Variants in MXRA5 observed in about 807,000 individuals in gnomAD.
MXRA5 encodes the protein matrix remodeling associated 5.
A neutral mutation model predicts 112.5 loss-of-function variants in MXRA5; 41 were observed. The ratio of observed to expected loss-of-function variants is 0.36; its 90% CI spans 0.28 to 0.47. The LOEUF is 0.47. MXRA5 is among the 20% of genes least tolerant of loss of function. The pLI, the probability that MXRA5 is intolerant of heterozygous loss-of-function variation, is 0.99. For missense variants in MXRA5, 2,150 were observed against 2,251.0 expected, an observed-to-expected ratio of 0.96 and a Z score of 0.91; for synonymous variants, 862 against 900.8, an observed-to-expected ratio of 0.96 and a Z score of 0.77.
intron 6 of MXRA5, among the ~76,000 whole-genome samples, chrX:3,314,762 A>G (rs2146916033): frequency 9.1e-6 from 1 of 109,993 alleles, no homozygotes; most frequent in Admixed American, 9.7e-5. Flanking sequence ...CACCCACCAG[A>G]TGCCAGTAAC....
At chrX:3,342,125 G>A (rs1480461529) in intron 2 of MXRA5, among the ~76,000 whole-genome samples, 4 of 110,524 alleles carry the variant, frequency 3.6e-5, no homozygotes, top group Non-Finnish European at 7.6e-5. Flanking sequence ...CATCCTCAGC[G>A]AACTAACAAG....
chrX:3,319,953 C>G (rs1161491344), intron 5 of MXRA5, 55 bp downstream of exon 5: 1 of 897,062 alleles, frequency 1.1e-6, no homozygotes, highest in African/African-American at 2.1e-5. Flanking sequence ...ATATTGCTAG[C>G]CAATAAAATA....
At position 3,309,875 on chromosome X, in the gene MXRA5, C is replaced by T; in HGVS notation, c.8328G>A (p.Lys2776=). 2 of 1,211,722 alleles carry T rather than the reference C, an allele frequency of 1.7e-6. No homozygotes were observed. Among genetic ancestry groups the T allele is most frequent in the Non-Finnish European group, 2.2e-6 (2 of 895,552 alleles). The part of the protein sequence containing the change: ...TWELPDKSHL[K]AGVQARLYGN... ...CATACAGACGAGCCTGAACCCCTGCCTTCAGATGCGACTTATCCGGTAACT... is the reference window on the plus strand; with the variant it reads ...CATACAGACGAGCCTGAACCCCTGCTTTCAGATGCGACTTATCCGGTAACT... Residue 2776 remains lysine (K), a synonymous_variant, in exon 7 of 7, where the codon AAG becomes AAA. Coordinates refer to ENST00000217939, the MANE Select transcript of MXRA5 (RefSeq NM_015419.4).
Position 3,329,062 on chromosome X carries a change from G to A in MXRA5, c.709+956C>T, listed in dbSNP as rs183796985. Among the ~76,000 whole-genome samples, 6 of 97,788 alleles carry A rather than the reference G, an allele frequency of 6.1e-5. No individual in the cohort carries two copies. In the East Asian group the frequency reaches 1.3e-3, roughly 22 times the overall value. 84.9% of individuals were successfully genotyped at this position (97,788 alleles called of 115,157 possible). On this transcript the variant is annotated intron_variant, in intron 4 of 6. Transcript: ENST00000217939. ...GGAAAGAAGGAAGGAAGGAGAGAAC[G>A]AAGGAAGGAAGGAAGGAGAGGAGGA...
At chrX:3,330,539 A>C in intron 3 of MXRA5, 105 bp downstream of exon 3, 11 of 1,126,853 alleles carry the variant, frequency 9.8e-6, no homozygotes, top group Non-Finnish European at 1.3e-5. Context: ...CATGTCAAAC[A>C]ATAGCCGTTT....
At chrX:3,336,691 G>C (rs1189508321) in intron 2 of MXRA5, among the ~76,000 whole-genome samples, 1 of 112,380 alleles carries the variant, frequency 8.9e-6, no homozygotes, top group African/African-American at 3.2e-5. Flanking sequence ...TGAATGCCAT[G>C]TCATTTGAAT....
intron 2 of MXRA5, among the ~76,000 whole-genome samples, chrX:3,340,988 ATATATC>A (rs1270233806): frequency 1.2e-5 from 1 of 81,037 alleles, no homozygotes; most frequent in Non-Finnish European, 2.4e-5. Flanking sequence ...GATATATATT[ATATATC>A]ATGTATAATA....
chrX:3,336,417 T>C (rs1398774771), intron 2 of MXRA5, among the ~76,000 whole-genome samples: 2 of 112,001 alleles, frequency 1.8e-5, no homozygotes, highest in Non-Finnish European at 3.8e-5. Context: ...TGAAAACTGG[T>C]CCCTGGTGCC....
chrX:3,316,087 G>A lies in MXRA5; in HGVS notation c.6578+1016C>T, dbSNP rs776507521. On this transcript the variant is annotated intron_variant, in intron 6 of 6. Coordinates refer to ENST00000217939, the MANE Select transcript of MXRA5 (RefSeq NM_015419.4). ...AAAAGCACACACTGGGGCCGGGCGC[G>A]GCGGATCAGGAGGTCAGGAGATCGA... Among the ~76,000 whole-genome samples, 174 of 56,210 alleles carry A rather than the reference G, an allele frequency of 3.1e-3. 14 individuals carry two copies. The highest frequency in any genetic ancestry group is 0.017 in the African/African-American group (162 of 9,502). The allele number at this position is 56,210 out of a possible 115,157, so 48.8% of individuals were successfully genotyped here.
intron 2 of MXRA5, among the ~76,000 whole-genome samples, chrX:3,331,051 G>A (rs758872783): frequency 9.0e-6 from 1 of 111,138 alleles, no homozygotes; most frequent in Admixed American, 9.6e-5. Flanking sequence ...TACAGGCACA[G>A]GCCACTATCC....
chrX:3,343,907 G>C (rs1231273047), intron 1 of MXRA5, 46 bp from the exon 2 acceptor site: 1 of 1,042,464 alleles, frequency 9.6e-7, no homozygotes, highest in Non-Finnish European at 1.3e-6. Context: ...AGGTAGCACC[G>C]ACGAACTGTG....
At position 3,320,484 on chromosome X, in the gene MXRA5, G is replaced by T. The variant is rs1188732696; in HGVS notation, c.5201C>A (p.Thr1734Asn). Residue 1734 changes from threonine (T) to asparagine (N), a missense_variant, in exon 5 of 7, where the codon ACC becomes AAC. Physicochemically the swap from Thr to Asn is moderately conservative, Grantham distance 65. Around this residue, in one of 6 missense-constraint regions of MXRA5, gnomAD observed 1,485 missense variants for 1,471.6 expected, o/e 1.01. Coordinates refer to ENST00000217939, the MANE Select transcript of MXRA5 (RefSeq NM_015419.4). ...HYSNGRLPFF[T>N]NKTLSFPQLG... ...CTGTGGAAAAGAAAGAGTCTTGTTGGTAAAGAAAGGGAGTCTTCCATTGGA... is the reference window on the plus strand; with the variant it reads ...CTGTGGAAAAGAAAGAGTCTTGTTGTTAAAGAAAGGGAGTCTTCCATTGGA... 9.9e-6 allele frequency: 12 copies of T among 1,211,254 alleles called. No homozygotes were observed. The highest frequency in any genetic ancestry group is 1.3e-5 in the Non-Finnish European group (12 of 894,979).
rs201840964 is a variant in MXRA5 at position 3,320,475 on chromosome X, G to T, written c.5210C>A (p.Thr1737Asn). The stretch of plus-strand genomic sequence containing the variant: ...GACTCCCAACTGTGGAAAAGAAAGA[G>T]TCTTGTTGGTAAAGAAAGGGAGTCT... ...NGRLPFFTNK[T>N]LSFPQLGVTR... is the part of the protein sequence containing the mutation. The change falls in exon 5 of 7, where the codon ACT becomes AAT. Residue 1737 changes from threonine to asparagine, a missense_variant. Around this residue, in one of 6 missense-constraint regions of MXRA5, gnomAD observed 1,485 missense variants for 1,471.6 expected, o/e 1.01. Coordinates refer to ENST00000217939, the MANE Select transcript of MXRA5 (RefSeq NM_015419.4). 36 of 1,211,280 alleles carry T rather than the reference G, an allele frequency of 3.0e-5. No homozygotes were observed. Among genetic ancestry groups the T allele is most frequent in the Non-Finnish European group, 3.6e-5 (32 of 895,023 alleles).
At chrX:3,316,365 A>G (rs1168698464) in intron 6 of MXRA5, among the ~76,000 whole-genome samples, 7 of 101,279 alleles carry the variant, frequency 6.9e-5, no homozygotes, top group Non-Finnish European at 1.4e-4. Context: ...TAAATAAATC[A>G]CACACCGGGC....
intron 2 of MXRA5, among the ~76,000 whole-genome samples, chrX:3,333,993 C>T (rs1008842022): frequency 9.0e-6 from 1 of 111,287 alleles, no homozygotes; most frequent in Non-Finnish European, 1.9e-5. Context: ...CTCTCTCTCT[C>T]TCTCTCAAGA....
intron 5 of MXRA5, among the ~76,000 whole-genome samples, chrX:3,318,607 A>G (rs1921214379): frequency 8.9e-6 from 1 of 112,496 alleles, no homozygotes; most frequent in Non-Finnish European, 1.9e-5. Context: ...TGGTACAACC[A>G]CTGTGGAAAA....
At position 3,317,488 on chromosome X, in the gene MXRA5, T is replaced by C; in HGVS notation, c.6193A>G (p.Ile2065Val). ...GCCTTGGCAGTGCAGTGAATGTGAA[T>C]GCTGAGCCCCGGGGGCAGCGAGATG... Reference protein sequence around the residue: ...ENISLPPGLSIHIHCTAKAAP... With the variant: ...ENISLPPGLSVHIHCTAKAAP... Residue 2065 changes from isoleucine to valine, a missense_variant, in exon 6 of 7, where the codon ATT becomes GTT. Around this residue, in one of 6 missense-constraint regions of MXRA5, gnomAD observed 1,485 missense variants for 1,471.6 expected, o/e 1.01. Coordinates refer to ENST00000217939, the MANE Select transcript of MXRA5 (RefSeq NM_015419.4). 1 of 1,195,259 alleles carries C rather than the reference T, an allele frequency of 8.4e-7. No homozygotes were observed. Among genetic ancestry groups the C allele is most frequent in the Non-Finnish European group, 1.1e-6 (1 of 887,535 alleles).
chrX:3,341,699 A>G (rs1184210935), intron 2 of MXRA5, among the ~76,000 whole-genome samples: 4 of 82,812 alleles, frequency 4.8e-5, no homozygotes, highest in Non-Finnish European at 6.8e-5. Context: ...AAGATAATAT[A>G]TATAAAATAT....
rs1030947503 is a variant in MXRA5, at chrX:3,310,465, T to C, written c.7738A>G (p.Asn2580Asp). Residue 2580 changes from asparagine to aspartate, a missense_variant, in exon 7 of 7, where the codon AAT (asparagine) becomes GAT (aspartate). By Grantham distance (23) the Asn-to-Asp change is conservative. This residue lies in a region of MXRA5 where 93 missense variants were observed against 135.5 expected (regional missense o/e 0.69). Transcript: ENST00000217939. ...PTPSLVWVLP[N>D]GTDLQSGQQL... ...TGTCCACTCTGCAGATCGGTGCCAT[T>C]GGGAAGGACCCACACCAGGCTGGGT... is the stretch of plus-strand genomic sequence containing the variant. 3.3e-6 allele frequency: 4 copies of C among 1,200,598 alleles called. No individual in the cohort carries two copies. In the Admixed American group the frequency reaches 9.0e-5, roughly 27 times the overall value.
Sources: allele counts gnomAD v4.1 joint callset (sites outside exome capture counted in the v4.1 genomes callset), GRCh38; gene constraint gnomAD v4.1.1; regional missense constraint gnomAD v4.1.1; transcripts MANE v1.5; gene names NCBI Gene and HGNC (gene_info 2026-07-23, HGNC 2026-07-21).